AMMECR1: variants seen among roughly 807,000 people sequenced by gnomAD.
The protein encoded by AMMECR1 is AMMECR nuclear protein 1, also known as nuclear protein AMMECR1.
AMMECR1 carries 3 observed loss-of-function variants against 22.5 expected under a neutral mutation model. The observed-to-expected ratio is 0.13, with a 90% CI of 0.06 to 0.35. The LOEUF is 0.35. AMMECR1 is among the 10% of genes least tolerant of loss of function. The pLI, the probability that AMMECR1 is intolerant of heterozygous loss-of-function variation, is 1.00. For missense variants in AMMECR1, 235 were observed against 278.7 expected (o/e 0.84, Z 1.12); for synonymous variants, 130 against 116.7 (o/e 1.11, Z -0.74).
chrX:110,241,769 C>A (rs899375957), intron 2 of AMMECR1, among the ~76,000 whole-genome samples: 2 of 110,767 alleles, frequency 1.8e-5, no homozygotes, highest in African/African-American at 6.6e-5. Flanking sequence ...GCTTATGCCC[C>A]TGAGGTTATA....
chrX:110,227,267 T>A (rs1357578302), intron 2 of AMMECR1, among the ~76,000 whole-genome samples: 1 of 112,286 alleles, frequency 8.9e-6, no homozygotes, highest in African/African-American at 3.2e-5. Flanking sequence ...ATGTGTCATG[T>A]CAGGCTGGTT....
Position 110,225,154 on chromosome X carries a change from CTAT to C in AMMECR1, c.585-8525_585-8523del. The C allele has an allele frequency of 2.6e-5, 7 of 272,529 alleles. No individual in the cohort carries two copies. In the South Asian group the frequency reaches 2.8e-4, roughly 11 times the overall value. 22.5% of individuals were successfully genotyped at this position (272,529 alleles called of 1,213,427 possible). A position where few individuals can be genotyped will look rare whatever the true frequency, so the allele number is the denominator to read the frequency against. On this transcript the variant is annotated intron_variant, in intron 2 of 5. Coordinates refer to ENST00000262844, the MANE Select transcript of AMMECR1 (RefSeq NM_015365.3). ...ATTTATAAAGTATATACTTGTACTA[CTAT>C]GACAGGCTAATATATCAAAGCATGA...
intron 2 of AMMECR1, among the ~76,000 whole-genome samples, chrX:110,383,460 A>G (rs2068434266): frequency 9.0e-6 from 1 of 111,223 alleles, no homozygotes; most frequent in Non-Finnish European, 1.9e-5. Context: ...GAATTCTTCT[A>G]CTGTATATAA....
At chrX:110,431,859 T>A (rs1314140057) in intron 1 of AMMECR1, among the ~76,000 whole-genome samples, 1 of 111,660 alleles carries the variant, frequency 9.0e-6, no homozygotes, top group East Asian at 2.8e-4. Context: ...GCTGGCAAGG[T>A]CTGGGCTACC....
chrX:110,268,451 G>A (rs1304124637), intron 1 of AMMECR1, among the ~76,000 whole-genome samples: 2 of 112,125 alleles, frequency 1.8e-5, no homozygotes, highest in Non-Finnish European at 3.8e-5. Context: ...CACGTGTATG[G>A]AATTAAAAAC....
rs1188573281 is a variant in AMMECR1 at position 110,207,470 on chromosome X, A to C, written c.700-4934T>G. On this transcript the variant is annotated intron_variant, in intron 3 of 5. Transcript: ENST00000262844. ...ATAATTCTTTGAGCTAGAAAAGTTA[A>C]GAATTTAATCATAGAAGCTGATAAG... is the stretch of plus-strand genomic sequence containing the variant. Among the ~76,000 whole-genome samples the C allele has an allele frequency of 4.5e-5, 5 of 111,700 alleles. No individual in the cohort carries two copies. In the East Asian group the frequency reaches 1.4e-3, roughly 31 times the overall value.
rs184176149 is a variant in AMMECR1 at position 110,396,967 on chromosome X, G to A, written c.-148+29691C>T. On this transcript the variant is annotated intron_variant, in intron 2 of 7. Transcript: ENST00000372057. The stretch of plus-strand genomic sequence containing the variant: ...ACCTACAGGCAGGCTGGCCACACCC[G>A]TGAGTTTTTCTCTTCTTTTTTTCCA... 1.0e-2 allele frequency among the ~76,000 whole-genome samples: 1,112 copies of A among 111,526 alleles called. 8 individuals are homozygous for A. The highest frequency in any genetic ancestry group is 0.025 in the East Asian group (87 of 3,536).
intron 2 of AMMECR1, among the ~76,000 whole-genome samples, chrX:110,366,900 T>C (rs924344035): frequency 2.7e-5 from 3 of 112,029 alleles, no homozygotes; most frequent in African/African-American, 6.5e-5. Flanking sequence ...GGGTGGCTTT[T>C]TTACATCTTT....
chrX:110,396,482 C>T (rs2068529248), intron 2 of AMMECR1, among the ~76,000 whole-genome samples: 1 of 112,191 alleles, frequency 8.9e-6, no homozygotes, highest in Non-Finnish European at 1.9e-5. Flanking sequence ...AAACCATGCT[C>T]TTGAGCACTA....
At chrX:110,367,973 A>AATTATTATTATTATTATT (rs201193443) in intron 2 of AMMECR1, among the ~76,000 whole-genome samples, 3 of 85,333 alleles carry the variant, frequency 3.5e-5, no homozygotes, top group Non-Finnish European at 2.3e-5. Flanking sequence ...AGTGCTGGCT[A>AATTATTATTATTATTATT]ATTATTATTA....
At chrX:110,229,857 C>A (rs761411095) in intron 2 of AMMECR1, among the ~76,000 whole-genome samples, 2 of 112,801 alleles carry the variant, frequency 1.8e-5, no homozygotes, top group Admixed American at 9.3e-5. Context: ...GATTCTCTCC[C>A]GTGCCTGGCT....
chrX:110,313,189 G>A (rs777717042), intron 1 of AMMECR1, among the ~76,000 whole-genome samples: 1 of 111,993 alleles, frequency 8.9e-6, no homozygotes, highest in African/African-American at 3.2e-5. Context: ...GGCAAGACGA[G>A]AAAGAGTTAA....
chrX:110,279,824 C>T (rs1249872859), intron 1 of AMMECR1, among the ~76,000 whole-genome samples: 3 of 111,603 alleles, frequency 2.7e-5, no homozygotes, highest in Non-Finnish European at 5.7e-5. Flanking sequence ...GAAAGCAAAC[C>T]AGGTTTCTAT....
At chrX:110,368,170 T>C (rs868513485) in intron 2 of AMMECR1, among the ~76,000 whole-genome samples, 5 of 110,038 alleles carry the variant, frequency 4.5e-5, no homozygotes, top group African/African-American at 1.7e-4. Context: ...TGAACACTTC[T>C]CTACTGCTAT....
intron 2 of AMMECR1, among the ~76,000 whole-genome samples, chrX:110,232,467 A>G (rs1045610053): frequency 4.5e-5 from 5 of 112,103 alleles, no homozygotes; most frequent in Non-Finnish European, 9.4e-5. Flanking sequence ...TTTGAAACCA[A>G]TGAGAACAAA....
At chrX:110,377,866 G>A (rs960436670) in intron 2 of AMMECR1, among the ~76,000 whole-genome samples, 1 of 108,083 alleles carries the variant, frequency 9.3e-6, no homozygotes, top group Non-Finnish European at 1.9e-5. Context: ...AAAATTAGCC[G>A]GGCGTGGTAG....
chrX:110,432,930 G>A (rs919327494), intron 1 of AMMECR1, among the ~76,000 whole-genome samples: 4 of 112,762 alleles, frequency 3.5e-5, no homozygotes, highest in Non-Finnish European at 7.5e-5. Flanking sequence ...GGACCCTGTG[G>A]TTCAGGGAGG....
intron 3 of AMMECR1, among the ~76,000 whole-genome samples, chrX:110,204,506 C>T (rs2067412593): frequency 9.0e-6 from 1 of 110,889 alleles, no homozygotes; most frequent in African/African-American, 3.3e-5. Context: ...GGAAAAAGAA[C>T]AGCTCCCCAG....
At position 110,383,013 on chromosome X, in the gene AMMECR1, C is replaced by G. The variant is rs753589066; in HGVS notation, c.-148+43645G>C. Among the ~76,000 whole-genome samples the G allele has an allele frequency of 5.1e-4, 57 of 112,060 alleles. 1 individual carries two copies. Among genetic ancestry groups the G allele is most frequent in the Admixed American group, 3.4e-3 (36 of 10,619 alleles). On this transcript the variant is annotated intron_variant, in intron 2 of 7. Coordinates refer to the AMMECR1 transcript ENST00000372057. Reference sequence around the variant, plus strand: ...GTGGGAGTGGAATCAAAGGGTTCCCCTAGACCCATGGATGAAGAGACGACT... The same window carrying G: ...GTGGGAGTGGAATCAAAGGGTTCCCGTAGACCCATGGATGAAGAGACGACT...
Sources: gnomAD v4.1 joint callset for allele counts (sites outside exome capture counted in the v4.1 genomes callset) on GRCh38, gnomAD v4.1.1 for gene constraint, MANE v1.5 for transcripts, NCBI Gene and HGNC (gene_info 2026-07-23, HGNC 2026-07-21) for gene names.